NBAS: variants seen among roughly 807,000 people sequenced by gnomAD.
NBAS encodes the protein NAG/BC035112 fusion.
In NBAS, 219 loss-of-function variants were observed where a neutral mutation model predicts 302.5. The ratio of observed to expected loss-of-function variants is 0.72; its 90% confidence interval spans 0.65 to 0.81. NBAS has a LOEUF of 0.81. Ranked by LOEUF, NBAS falls within the 30% of genes least tolerant of loss-of-function variation. The pLI, the probability that NBAS is intolerant of heterozygous loss-of-function variation, is 0.00. For missense variants in NBAS, 2,932 were observed against 2,841.6 expected (o/e 1.03, Z -0.72); for synonymous variants, 1,118 against 1,021.6 (o/e 1.09, Z -1.80).
chr2:15,002,891 A>G, the NBAS span, among the ~76,000 whole-genome samples: 3 of 152,210 alleles, frequency 2.0e-5, no homozygotes, highest in Non-Finnish European at 4.4e-5. Context: ...CGCCACGCGC[A>G]GCCCCTGTTC....
At position 15,454,150 on chromosome 2, in the gene NBAS, T is replaced by C. The variant is rs936043483; in HGVS notation, c.2339+7051A>G. On this transcript the variant is annotated intron_variant, in intron 21 of 51. Transcript: ENST00000281513. ...CAACAGAGTTTTCCCATTAATACTA[T>C]AAAATATTTTAAATACTGCAATATT... Among the ~76,000 whole-genome samples the C allele has an allele frequency of 3.3e-5, 5 of 152,158 alleles. No homozygotes were observed. The East Asian group carries it at 7.7e-4, about 23-fold the overall frequency.
intron 45 of NBAS, 45 bp downstream of exon 45, chr2:15,238,409 GGAAAAAAGAAAGAA>G: frequency 6.5e-7 from 1 of 1,538,468 alleles, no homozygotes; most frequent in Non-Finnish European, 8.9e-7. Context: ...TAACTTTCAA[GGAAAAAAGAAAGAA>G]TATACTGATA....
chr2:15,084,399 AAAAACAAAAAC>A, the NBAS span, among the ~76,000 whole-genome samples: 3 of 152,182 alleles, frequency 2.0e-5, no homozygotes, highest in Admixed American at 6.5e-5. Context: ...GAAGTAATGT[AAAAACAAAAAC>A]AAAACAAAAA....
Position 15,539,384 on chromosome 2 carries a change from T to G in NBAS, c.380-28A>C, listed in dbSNP as rs778004598. ...AGAACAAAAGAAAACAAGAGGTGCTTCTAACAATATATTACAAAGATAGTT... is the reference window on the plus strand; with the variant it reads ...AGAACAAAAGAAAACAAGAGGTGCTGCTAACAATATATTACAAAGATAGTT... On this transcript the variant is annotated intron_variant, in intron 6 of 51. Transcript: ENST00000281513. The G allele has an allele frequency of 2.4e-5, 39 of 1,613,708 alleles. No individual in the cohort carries two copies. In the East Asian group the frequency reaches 4.9e-4, roughly 20 times the overall value.
At chr2:15,104,999 A>C in the NBAS span, among the ~76,000 whole-genome samples, 1 of 152,106 alleles carries the variant, frequency 6.6e-6, no homozygotes, top group Non-Finnish European at 1.5e-5. Context: ...AAGACTTGGA[A>C]CCAACCCAAA....
At chr2:14,959,846 TTC>T in the NBAS span, among the ~76,000 whole-genome samples, 1 of 152,342 alleles carries the variant, frequency 6.6e-6, no homozygotes, top group South Asian at 2.1e-4. Context: ...CAGTTAATAT[TTC>T]TGTTACCTTC....
Position 15,178,994 on chromosome 2 carries a change from G to T in NBAS, c.6834C>A (p.Val2278=). 1 of 1,613,862 alleles carries T rather than the reference G, an allele frequency of 6.2e-7. No individual in the cohort carries two copies. Among genetic ancestry groups the T allele is most frequent in the Non-Finnish European group, 8.5e-7 (1 of 1,179,938 alleles). Residue 2278 remains valine (V), a synonymous_variant, in exon 51 of 52, where the codon GTC becomes GTA. Transcript: ENST00000281513. The part of the protein sequence containing the change: ...HEMALEQITA[V]TTVNDSNCDQ... ...TAAATTCAACTGGGCATACCGTAGT[G>T]ACTGCCGTGATTTGCTCCAGTGCCA...
intron 38 of NBAS, among the ~76,000 whole-genome samples, chr2:15,309,636 C>A (rs774362935): frequency 1.3e-5 from 2 of 152,040 alleles, no homozygotes; most frequent in African/African-American, 2.4e-5. Context: ...AAGATCAGAG[C>A]AATAAAATAG....
At chr2:15,016,415 C>G in the NBAS span, among the ~76,000 whole-genome samples, 9 of 151,904 alleles carry the variant, frequency 5.9e-5, no homozygotes, top group Non-Finnish European at 1.0e-4. Context: ...TAAATATAAC[C>G]AAAGAAGTGG....
At chr2:15,417,864 A>G (rs1253343567) in intron 23 of NBAS, 152 bp from the exon 24 acceptor site, 4 of 716,972 alleles carry the variant, frequency 5.6e-6, no homozygotes, top group Non-Finnish European at 9.2e-6. Flanking sequence ...CTGCAAAAAC[A>G]TCAGAGTCCT....
chr2:14,938,175 A>G, the NBAS span, among the ~76,000 whole-genome samples: 19 of 152,298 alleles, frequency 1.2e-4, no homozygotes, highest in South Asian at 3.7e-3. Context: ...ATGTAAATGC[A>G]GTAGTACTTA....
chr2:14,819,720 G>A, the NBAS span, among the ~76,000 whole-genome samples: 1 of 152,154 alleles, frequency 6.6e-6, no homozygotes, highest in African/African-American at 2.4e-5. Context: ...ACAAAGTGGA[G>A]AGGCAACCCA....
the NBAS span, among the ~76,000 whole-genome samples, chr2:14,866,742 C>G: frequency 1.3e-5 from 2 of 152,182 alleles, no homozygotes; most frequent in Non-Finnish European, 2.9e-5. Context: ...CAGGATCTTA[C>G]TCTTGAGACA....
rs1033832082 is a variant in NBAS at position 15,236,509 on chromosome 2, C to T, written c.5944-1762G>A. On this transcript the variant is annotated intron_variant, in intron 45 of 51. Coordinates refer to ENST00000281513, the MANE Select transcript of NBAS (RefSeq NM_015909.4). ...GGCTGCAGTGAGTGAGCCTGGGCAA[C>T]AGAGTGAGACCCTGTCTCAAAAAAA... Among the ~76,000 whole-genome samples the T allele has an allele frequency of 8.1e-5, 8 of 98,378 alleles. No homozygotes were observed. The East Asian group carries it at 1.4e-3, about 17-fold the overall frequency. 64.5% of individuals were successfully genotyped at this position (98,378 alleles called of 152,430 possible).
At chr2:15,118,975 C>T in the NBAS span, among the ~76,000 whole-genome samples, 1 of 152,144 alleles carries the variant, frequency 6.6e-6, no homozygotes, top group South Asian at 2.1e-4. Context: ...TAGTGGGGTA[C>T]CCATGGTTTG....
At chr2:15,164,704 T>C (rs759771598), downstream of NBAS, among the ~76,000 whole-genome samples, 5 of 152,226 alleles carry the variant, frequency 3.3e-5, no homozygotes, top group African/African-American at 4.8e-5. Flanking sequence ...ATCATCTTAC[T>C]CCTTCATCTA....
chr2:14,929,008 A>G, the NBAS span, among the ~76,000 whole-genome samples: 2 of 152,166 alleles, frequency 1.3e-5, no homozygotes, highest in Non-Finnish European at 2.9e-5. Flanking sequence ...AAGAAATTGG[A>G]CTAATCTGGA....
intron 9 of NBAS, among the ~76,000 whole-genome samples, chr2:15,522,929 A>G (rs1302865561): frequency 6.6e-6 from 1 of 152,242 alleles, no homozygotes; most frequent in African/African-American, 2.4e-5. Flanking sequence ...AAGAAAAATC[A>G]TAAGACTAAA....
the NBAS span, among the ~76,000 whole-genome samples, chr2:15,030,377 ATTGGAGCTTTG>A: frequency 3.3e-5 from 5 of 152,210 alleles, no homozygotes; most frequent in Non-Finnish European, 7.3e-5. Context: ...TGGTTAAATT[ATTGGAGCTTTG>A]TCAGCAGGAG....
Sources: allele counts gnomAD v4.1 joint callset (sites outside exome capture counted in the v4.1 genomes callset), GRCh38; gene constraint gnomAD v4.1.1; transcripts MANE v1.5; gene names NCBI Gene and HGNC (gene_info 2026-07-23, HGNC 2026-07-21).